Variants in ADAMTS17 observed in about 807,000 individuals in gnomAD.
ADAMTS17 encodes A disintegrin and metalloproteinase with thrombospondin motifs 17.
ADAMTS17 carries 113 observed loss-of-function variants against 141.5 expected under a neutral mutation model. The observed-to-expected ratio is 0.80, with a 90% CI of 0.69 to 0.93. ADAMTS17 has a LOEUF of 0.93. ADAMTS17 is among the 40% of genes least tolerant of loss of function. ADAMTS17 has a pLI of 0.00. For synonymous variants in ADAMTS17, 768 were observed against 630.6 expected, an observed-to-expected ratio of 1.22 and a Z score of -3.27; for missense variants, 1,659 against 1,517.9, an observed-to-expected ratio of 1.09 and a Z score of -1.54.
intron 7 of ADAMTS17, among the ~76,000 whole-genome samples, chr15:100,250,470 T>G (rs1262841257): frequency 6.6e-6 from 1 of 152,082 alleles, no homozygotes; most frequent in Non-Finnish European, 1.5e-5. Context: ...AAACAAAATT[T>G]GAAAAATAAA....
chr15:99,994,616 G>C (rs778986856), intron 19 of ADAMTS17, among the ~76,000 whole-genome samples: 140 of 152,114 alleles, frequency 9.2e-4, no homozygotes, highest in Admixed American at 9.2e-4. Context: ...ACCCAGGCTG[G>C]AGTGCAGTGG....
chr15:100,024,177 CGAACTCCTGGGCT>C, intron 18 of ADAMTS17, among the ~76,000 whole-genome samples: 1 of 152,292 alleles, frequency 6.6e-6, no homozygotes, highest in Admixed American at 6.5e-5. Flanking sequence ...AGTACAGCCT[CGAACTCCTGGGCT>C]CAAGCAATTC....
intron 10 of ADAMTS17, among the ~76,000 whole-genome samples, chr15:100,146,006 C>G (rs1017947305): frequency 6.6e-6 from 1 of 152,172 alleles, no homozygotes; most frequent in Non-Finnish European, 1.5e-5. Flanking sequence ...AACCCCATCT[C>G]TACTAAAAAT....
At chr15:100,219,577 T>C (rs553303210) in intron 7 of ADAMTS17, among the ~76,000 whole-genome samples, 1 of 152,178 alleles carries the variant, frequency 6.6e-6, no homozygotes, top group Admixed American at 6.5e-5. Flanking sequence ...AACCCAGTGT[T>C]TGATCCCAGT....
At chr15:100,213,347 C>G (rs368431217) in intron 7 of ADAMTS17, among the ~76,000 whole-genome samples, 458 of 152,020 alleles carry the variant, frequency 3.0e-3, no homozygotes, top group African/African-American at 0.01. Context: ...GATATAAAAG[C>G]CATTTGTTGA....
chr15:100,319,192 C>A (rs768074219), intron 3 of ADAMTS17, among the ~76,000 whole-genome samples: 1 of 152,304 alleles, frequency 6.6e-6, no homozygotes, highest in African/African-American at 2.4e-5. Flanking sequence ...TGAGCCAAGG[C>A]TGAAGCAGCC....
chr15:100,020,853 T>C (rs944422621), intron 18 of ADAMTS17, among the ~76,000 whole-genome samples: 7 of 152,186 alleles, frequency 4.6e-5, no homozygotes, highest in Non-Finnish European at 8.8e-5. Flanking sequence ...TTGGAGACCA[T>C]GACGTGTCAT....
intron 8 of ADAMTS17, among the ~76,000 whole-genome samples, chr15:100,186,510 C>T (rs971281032): frequency 6.6e-6 from 1 of 152,238 alleles, no homozygotes; most frequent in African/African-American, 2.4e-5. Context: ...TTGGCGCCAT[C>T]TCAATGTCTG....
chr15:100,117,110 G>T, intron 12 of ADAMTS17, 97 bp from the exon 13 acceptor site: 2 of 1,444,042 alleles, frequency 1.4e-6, no homozygotes, highest in African/African-American at 1.4e-5. Context: ...AGAGGAAGGG[G>T]GCAGGGCAAG....
intron 3 of ADAMTS17, 101 bp from the exon 4 acceptor site, chr15:100,281,502 G>A (rs1451709189): frequency 8.2e-6 from 12 of 1,456,516 alleles, no homozygotes; most frequent in African/African-American, 1.4e-5. Flanking sequence ...AGAGTGGTCA[G>A]TCTCGACAGG....
intron 7 of ADAMTS17, among the ~76,000 whole-genome samples, chr15:100,248,920 T>G (rs1381660266): frequency 6.6e-6 from 1 of 151,914 alleles, no homozygotes; most frequent in African/African-American, 2.4e-5. Flanking sequence ...TGTCGCAGCC[T>G]CCTGAGTAGC....
At chr15:100,194,528 C>A (rs2041039403) in intron 8 of ADAMTS17, among the ~76,000 whole-genome samples, 2 of 152,170 alleles carry the variant, frequency 1.3e-5, no homozygotes, top group Non-Finnish European at 2.9e-5. Context: ...CAACTGCCTC[C>A]TTGATCTGGG....
Position 100,133,224 on chromosome 15 carries a change from C to T in ADAMTS17, c.1565G>A (p.Gly522Glu), listed in dbSNP as rs1291102738. ...LDPPLDGTECGADKWCRAGEC... is the reference protein window; with the variant it reads ...LDPPLDGTECEADKWCRAGEC... ...GAAGTCAGAGGTTACCTTGTCTGCC[C>T]CACACTCGGTGCCATCCAGGGGAGG... Residue 522 changes from glycine (G) to glutamate (E), a missense_variant, in exon 11 of 22, where the codon GGG becomes GAG. By Grantham distance (98) the Gly-to-Glu change is moderately conservative. Coordinates refer to ENST00000268070, the MANE Select transcript of ADAMTS17 (RefSeq NM_139057.4). 6.3e-7 allele frequency: 1 copy of T among 1,592,166 alleles called. No homozygotes were observed. Among genetic ancestry groups the T allele is most frequent in the Admixed American group, 1.7e-5 (1 of 58,136 alleles).
chr15:100,051,605 C>T lies in ADAMTS17; in HGVS notation c.2422G>A (p.Gly808Ser), dbSNP rs375971368. The T allele has an allele frequency of 2.4e-5, 38 of 1,613,932 alleles. No homozygotes were observed. Among genetic ancestry groups the T allele is most frequent in the Middle Eastern group, 1.7e-4 (1 of 6,044 alleles). Reference protein sequence around the residue: ...QDSLFIWTHSGWEGCSVQCGG... With the variant: ...QDSLFIWTHSSWEGCSVQCGG... ...CACTGCACACTGCACCCTTCCCAGC[C>T]GCTGTGGGTCCAGATGAACAAAGAG... The change falls in exon 17 of 22, where the codon GGC (glycine) becomes AGC (serine). Residue 808 changes from glycine to serine, a missense_variant. Transcript: ENST00000268070.
At chr15:100,264,334 A>G (rs2043636007) in intron 4 of ADAMTS17, among the ~76,000 whole-genome samples, 2 of 152,146 alleles carry the variant, frequency 1.3e-5, no homozygotes, top group Non-Finnish European at 2.9e-5. Flanking sequence ...ATTTTCCTTA[A>G]AATATTCAGC....
In ADAMTS17 at chr15:100,065,685, A is replaced by G. The variant is rs187178203; in HGVS notation, c.2138-11631T>C. ...TGTGAGAACAGGATAGGTATCATTA[A>G]TCTATCAGGTTAGGGACATTCTCTT... On this transcript the variant is annotated intron_variant, in intron 15 of 21. Transcript: ENST00000268070. Among the ~76,000 whole-genome samples, 15 of 152,280 alleles carry G rather than the reference A, an allele frequency of 9.9e-5. No individual in the cohort carries two copies. In the East Asian group the frequency reaches 2.7e-3, roughly 27 times the overall value.
At chr15:100,162,944 T>C (rs185008453) in intron 8 of ADAMTS17, among the ~76,000 whole-genome samples, 2 of 140,790 alleles carry the variant, frequency 1.4e-5, no homozygotes, top group South Asian at 2.3e-4. Flanking sequence ...ATGTATATAT[T>C]TGTGTATATA....
At chr15:100,140,073 G>A (rs1264534394) in intron 10 of ADAMTS17, among the ~76,000 whole-genome samples, 3 of 152,134 alleles carry the variant, frequency 2.0e-5, no homozygotes, top group African/African-American at 7.2e-5. Context: ...TCAGCTCACT[G>A]CAACCTCCGC....
chr15:100,090,190 G>T (rs1276962548), intron 15 of ADAMTS17, among the ~76,000 whole-genome samples: 1 of 152,036 alleles, frequency 6.6e-6, no homozygotes, highest in Non-Finnish European at 1.5e-5. Context: ...TGGATTCCAG[G>T]CATATGGAAT....
Sources: gnomAD v4.1 joint callset for allele counts (sites outside exome capture counted in the v4.1 genomes callset) on GRCh38, gnomAD v4.1.1 for gene constraint, MANE v1.5 for transcripts, NCBI Gene and HGNC (gene_info 2026-07-23, HGNC 2026-07-21) for gene names.